Variants in NAV2 observed in about 807,000 individuals in gnomAD.
NAV2 encodes helicase, APC down-regulated 1.
In NAV2, 54 loss-of-function variants were observed where a neutral mutation model predicts 223.2. That is an observed-to-expected ratio of 0.24 (90% CI 0.19 to 0.30). NAV2 has a LOEUF of 0.30. Among genes scored for constraint, NAV2 ranks in the 10% least tolerant of loss-of-function variants. The pLI is 1.00. For synonymous variants in NAV2, 1,279 were observed against 1,239.3 expected (o/e 1.03, Z -0.67); for missense variants, 2,806 against 3,147.5 (o/e 0.89, Z 2.60).
chr11:19,887,949 G>GTTT (rs34601696), intron 5 of NAV2, among the ~76,000 whole-genome samples: 14 of 147,702 alleles, frequency 9.5e-5, no homozygotes, highest in Admixed American at 6.0e-4. Flanking sequence ...GGAAAGAACT[G>GTTT]TTTTTTTTTT....
At chr11:19,538,569 A>G (rs1330327739) in intron 1 of NAV2, among the ~76,000 whole-genome samples, 6 of 149,868 alleles carry the variant, frequency 4.0e-5, no homozygotes, top group Admixed American at 1.3e-4. Context: ...TTCCTGGCTG[A>G]TCTTGAATTC....
At chr11:19,812,961 C>A (rs1418991890) in intron 1 of NAV2, among the ~76,000 whole-genome samples, 1 of 152,156 alleles carries the variant, frequency 6.6e-6, no homozygotes, top group Non-Finnish European at 1.5e-5. Flanking sequence ...AAATTTACTT[C>A]TTCTAATAAC....
chr11:19,374,742 G>A (rs772905784), intron 1 of NAV2, among the ~76,000 whole-genome samples: 1 of 152,192 alleles, frequency 6.6e-6, no homozygotes, highest in Non-Finnish European at 1.5e-5. Flanking sequence ...AGATCAGGAT[G>A]TGGACATTCA....
intron 5 of NAV2, among the ~76,000 whole-genome samples, chr11:19,887,367 T>C (rs1406330829): frequency 6.6e-6 from 1 of 151,914 alleles, no homozygotes. Context: ...TTATTTTACC[T>C]GCAGGAAGCA....
intron 36 of NAV2, among the ~76,000 whole-genome samples, chr11:20,111,299 G>T (rs534537340): frequency 1.3e-5 from 2 of 152,296 alleles, no homozygotes; most frequent in South Asian, 2.1e-4. Context: ...GGGGATGCCA[G>T]GTTCCTTCTC....
At chr11:20,046,759 C>T (rs2057482595) in intron 14 of NAV2, among the ~76,000 whole-genome samples, 1 of 152,128 alleles carries the variant, frequency 6.6e-6, no homozygotes, top group African/African-American at 2.4e-5. Flanking sequence ...TTTAAAGTTT[C>T]TTTTAAATTT....
chr11:19,686,344 CCTT>C (rs1565167461), intron 1 of NAV2, among the ~76,000 whole-genome samples: 1 of 152,158 alleles, frequency 6.6e-6, no homozygotes, highest in Admixed American at 6.5e-5. Context: ...AAGGTGGGAT[CCTT>C]CTTATTTCCC....
chr11:19,639,434 A>G (rs1008771171), intron 1 of NAV2, among the ~76,000 whole-genome samples: 3 of 152,222 alleles, frequency 2.0e-5, no homozygotes. Context: ...AGTTCCCAAT[A>G]GTTATACTTT....
intron 1 of NAV2, among the ~76,000 whole-genome samples, chr11:19,805,776 C>T (rs1295917766): frequency 6.6e-6 from 1 of 152,288 alleles, no homozygotes; most frequent in South Asian, 2.1e-4. Context: ...ACCAAACGTA[C>T]TTCTCATCCC....
At chr11:19,462,208 A>C (rs1852191919) in intron 1 of NAV2, among the ~76,000 whole-genome samples, 1 of 152,232 alleles carries the variant, frequency 6.6e-6, no homozygotes, top group African/African-American at 2.4e-5. Context: ...AATCACCTGA[A>C]GGGCCTATTA....
chr11:19,407,943 A>T (rs565576861), intron 1 of NAV2, among the ~76,000 whole-genome samples: 1 of 152,142 alleles, frequency 6.6e-6, no homozygotes, highest in Non-Finnish European at 1.5e-5. Flanking sequence ...CAGACATTTC[A>T]TGACCTCAGG....
intron 1 of NAV2, among the ~76,000 whole-genome samples, chr11:19,715,087 G>A (rs1042694515): frequency 2.0e-5 from 3 of 152,152 alleles, no homozygotes; most frequent in East Asian, 1.9e-4. Context: ...TCTGATCAGA[G>A]GCTAGAGCTC....
chr11:19,764,092 A>G (rs367620927), intron 1 of NAV2, among the ~76,000 whole-genome samples: 89 of 152,328 alleles, frequency 5.8e-4, no homozygotes, highest in African/African-American at 2.0e-3. Flanking sequence ...TTTTAGAACA[A>G]GTGGATTGGC....
intron 6 of NAV2, among the ~76,000 whole-genome samples, chr11:19,922,480 C>T (rs2044362989): frequency 6.6e-6 from 1 of 152,118 alleles, no homozygotes; most frequent in Admixed American, 6.5e-5. Context: ...GATTTGAACT[C>T]TATTAACACC....
chr11:19,490,270 A>G lies in NAV2; in HGVS notation c.75+139243A>G, dbSNP rs180861914. The stretch of plus-strand genomic sequence containing the variant: ...GGCAATTTCTTAAAATAAGTCAACA[A>G]TGAAGTTTGCCACATCAATGGACTC... On this transcript the variant is annotated intron_variant, in intron 1 of 37. Coordinates refer to the NAV2 transcript ENST00000360655. Among the ~76,000 whole-genome samples, 252 of 152,292 alleles carry G rather than the reference A, an allele frequency of 1.7e-3. 1 individual carries two copies. The highest frequency in any genetic ancestry group is 4.1e-3 in the African/African-American group (170 of 41,556).
chr11:19,531,470 G>A (rs2044026269), intron 1 of NAV2, among the ~76,000 whole-genome samples: 1 of 152,224 alleles, frequency 6.6e-6, no homozygotes, highest in African/African-American at 2.4e-5. Context: ...AATGGTAGCA[G>A]ATTGGTAGGA....
At chr11:20,035,829 G>T in intron 11 of NAV2, 130 bp from the exon 12 acceptor site, 1 of 1,042,012 alleles carries the variant, frequency 9.6e-7, no homozygotes, top group South Asian at 1.6e-5. Context: ...TCTGAGTCAA[G>T]AGAGCTTTGT....
chr11:19,779,955 G>T (rs1480090779), intron 1 of NAV2, among the ~76,000 whole-genome samples: 1 of 152,198 alleles, frequency 6.6e-6, no homozygotes, highest in Non-Finnish European at 1.5e-5. Context: ...CCAGAGGTGT[G>T]TGCCCGAACT....
At chr11:20,020,388 G>C (rs139598220) in intron 11 of NAV2, among the ~76,000 whole-genome samples, 379 of 152,334 alleles carry the variant, frequency 2.5e-3, no homozygotes, top group African/African-American at 7.8e-3. Flanking sequence ...AGAAGCAAGC[G>C]TCAAAAATGA....
Sources: allele counts gnomAD v4.1 joint callset (sites outside exome capture counted in the v4.1 genomes callset), GRCh38; gene constraint gnomAD v4.1.1; transcripts MANE v1.5; gene names NCBI Gene and HGNC (gene_info 2026-07-23, HGNC 2026-07-21).